The following MAP6 variants were observed in gnomAD, a reference collection of about 807,000 sequenced individuals.
MAP6 encodes microtubule-associated protein 6.
Under a neutral mutation model 42.4 loss-of-function variants are expected in MAP6, and 26 were observed. The ratio of observed to expected loss-of-function variants is 0.61; its 90% CI spans 0.45 to 0.85. The LOEUF is 0.85. Among genes scored for constraint, MAP6 ranks in the 40% least tolerant of loss-of-function variants. The pLI, the probability that MAP6 is intolerant of heterozygous loss-of-function variation, is 0.00. For missense variants in MAP6, 966 were observed against 1,099.0 expected, an observed-to-expected ratio of 0.88 and a Z score of 1.71; for synonymous variants, 418 against 443.8, an observed-to-expected ratio of 0.94 and a Z score of 0.73.
In MAP6 at chr11:75,645,132, G is replaced by A. The variant is rs146345100; in HGVS notation, c.905+22333C>T. Among the ~76,000 whole-genome samples the A allele has an allele frequency of 5.9e-5, 9 of 152,162 alleles. 1 individual carries two copies. The highest frequency in any genetic ancestry group is 6.5e-5 in the Admixed American group (1 of 15,280). Reference sequence around the variant, plus strand: ...GCACCTCTGAGTCAGAGCAGTAAACGTGAGAAGTGACTGCACTGCTGCCGA... The same window carrying A: ...GCACCTCTGAGTCAGAGCAGTAAACATGAGAAGTGACTGCACTGCTGCCGA... On this transcript the variant is annotated intron_variant, in intron 1 of 3. Transcript: ENST00000304771.
intron 1 of MAP6, among the ~76,000 whole-genome samples, chr11:75,639,905 G>T (rs536505351): frequency 6.6e-6 from 1 of 152,234 alleles, no homozygotes; most frequent in East Asian, 1.9e-4. Context: ...CGCTAGCTTG[G>T]CTGTGCCCAT....
chr11:75,639,105 T>G (rs1943418202), intron 1 of MAP6, among the ~76,000 whole-genome samples: 1 of 152,118 alleles, frequency 6.6e-6, no homozygotes, highest in African/African-American at 2.4e-5. Context: ...TGTGTACACA[T>G]GGACACAGAG....
intron 1 of MAP6, among the ~76,000 whole-genome samples, chr11:75,609,235 C>T (rs1942841094): frequency 6.6e-6 from 1 of 152,168 alleles, no homozygotes; most frequent in African/African-American, 2.4e-5. Context: ...TTGACACAGG[C>T]CACGAGGGTC....
chr11:75,648,070 CAAAT>C, intron 1 of MAP6, among the ~76,000 whole-genome samples: 1 of 152,262 alleles, frequency 6.6e-6, no homozygotes, highest in East Asian at 1.9e-4. Context: ...ACCTGTCAGA[CAAAT>C]AACGGATTTG....
rs1052719285 is a variant in MAP6, at chr11:75,667,776, C to A, written c.594G>T (p.Pro198=). The A allele has an allele frequency of 5.4e-6, 7 of 1,306,562 alleles. No individual in the cohort carries two copies. Among genetic ancestry groups the A allele is most frequent in the Non-Finnish European group, 6.8e-6 (7 of 1,027,104 alleles). The allele number at this position is 1,306,562 out of a possible 1,614,324, so 80.9% of individuals were successfully genotyped here. The change falls in exon 1 of 4, where the codon CCG becomes CCT. Residue 198 remains proline (P), a synonymous_variant. Transcript: ENST00000304771. The surrounding 1 kb of genome is among the most constrained non-coding windows in gnomAD (Gnocchi z 5.6). ...GCACTGGCCAGCGCTCCTGGCTCTG[C>A]GGCCGGCGCTTGGGCGCCCCGAGAA... The part of the protein sequence containing the change: ...APILGAPKRR[P]QSQERWPVQA...
intron 1 of MAP6, among the ~76,000 whole-genome samples, chr11:75,646,158 T>C (rs566246179): frequency 2.6e-5 from 4 of 152,062 alleles, no homozygotes; most frequent in African/African-American, 9.6e-5. Flanking sequence ...AAAGATTCCA[T>C]AGGAAGGAAG....
At chr11:75,636,822 C>T (rs1231463107) in intron 1 of MAP6, among the ~76,000 whole-genome samples, 1 of 152,166 alleles carries the variant, frequency 6.6e-6, no homozygotes, top group Non-Finnish European at 1.5e-5. Context: ...CACAAAGAAG[C>T]CTTTCATCCA....
rs1030507313 is a variant in MAP6, at chr11:75,668,686, G to A, written c.-317C>T. 1.8e-5 allele frequency: 4 copies of A among 228,474 alleles called. No homozygotes were observed. The highest frequency in any genetic ancestry group is 3.4e-5 in the Non-Finnish European group (4 of 118,006). 14.2% of individuals were successfully genotyped at this position (228,474 alleles called of 1,614,324 possible). On this transcript the variant is annotated 5_prime_UTR_variant, in exon 1 of 4. Coordinates refer to ENST00000304771, the MANE Select transcript of MAP6 (RefSeq NM_033063.2). ...CTGGGACGCGCCCCTCCCTGCGGCTGCGGCGGCGCACAGACCTCGGTCGAG... is the reference window on the plus strand; with the variant it reads ...CTGGGACGCGCCCCTCCCTGCGGCTACGGCGGCGCACAGACCTCGGTCGAG...
chr11:75,590,040 G>C (rs1265993056), intron 3 of MAP6, among the ~76,000 whole-genome samples: 1 of 152,146 alleles, frequency 6.6e-6, no homozygotes, highest in Non-Finnish European at 1.5e-5. Flanking sequence ...GCATGATATG[G>C]AACACAGCTG....
intron 3 of MAP6, among the ~76,000 whole-genome samples, chr11:75,589,791 T>G (rs1590747611): frequency 6.6e-6 from 1 of 152,346 alleles, no homozygotes; most frequent in East Asian, 1.9e-4. Context: ...ATGGTATTAT[T>G]GGGTAGTATT....
chr11:75,613,993 G>A (rs1464972464), intron 1 of MAP6, among the ~76,000 whole-genome samples: 1 of 152,184 alleles, frequency 6.6e-6, no homozygotes, highest in Non-Finnish European at 1.5e-5. Context: ...TGCTGATCAG[G>A]CAAAGTTTTC....
At chr11:75,660,121 A>G (rs1943817824) in intron 1 of MAP6, among the ~76,000 whole-genome samples, 1 of 151,144 alleles carries the variant, frequency 6.6e-6, no homozygotes, top group South Asian at 2.1e-4. Flanking sequence ...TCCTCACATC[A>G]CTCCTCCTTC....
intron 1 of MAP6, among the ~76,000 whole-genome samples, chr11:75,615,108 T>C (rs1942974660): frequency 6.6e-6 from 1 of 152,304 alleles, no homozygotes; most frequent in East Asian, 1.9e-4. Context: ...ACACAGCACA[T>C]GCAAGCCTTT....
Position 75,605,980 on chromosome 11 carries a change from A to T in MAP6, c.1144T>A (p.Ser382Thr), listed in dbSNP as rs759609647. The change falls in exon 3 of 4, where the codon TCC becomes ACC. Residue 382 changes from serine (S) to threonine (T), a missense_variant. Ser to Thr is a moderately conservative substitution (Grantham distance 58). This residue lies in a region of MAP6 where 943 missense variants were observed against 1,049.9 expected (regional missense o/e 0.90). Coordinates refer to ENST00000304771, the MANE Select transcript of MAP6 (RefSeq NM_033063.2). ...PKVEKPSVQS[S>T]KPKKTSASHK... ...CTCGCTGAGGTCTTTTTTGGTTTGG[A>T]ACTCTGAACACTAGGTTTTTCCACC... The T allele has an allele frequency of 1.2e-6, 2 of 1,613,370 alleles. No individual in the cohort carries two copies. Among genetic ancestry groups the T allele is most frequent in the Non-Finnish European group, 1.7e-6 (2 of 1,179,956 alleles).
At chr11:75,660,357 C>T (rs1943822576) in intron 1 of MAP6, among the ~76,000 whole-genome samples, 1 of 152,188 alleles carries the variant, frequency 6.6e-6, no homozygotes. Flanking sequence ...TCAACCGACC[C>T]TCAAACACCT....
chr11:75,603,816 T>A, intron 3 of MAP6: 5 of 985,432 alleles, frequency 5.1e-6, no homozygotes, highest in Non-Finnish European at 6.0e-6. Flanking sequence ...CATTGTAAAC[T>A]CTGATTTATT....
intron 1 of MAP6, among the ~76,000 whole-genome samples, chr11:75,634,845 T>C (rs189798984): frequency 1.4e-4 from 21 of 152,344 alleles, no homozygotes; most frequent in Admixed American, 1.4e-3. Context: ...ACTGTGTTTG[T>C]CATCTATAAT....
chr11:75,665,586 G>T (rs1179530946), intron 1 of MAP6, among the ~76,000 whole-genome samples: 3 of 152,206 alleles, frequency 2.0e-5, no homozygotes, highest in African/African-American at 7.2e-5. Context: ...TGGGCCAGAC[G>T]TGGGCTTCTC....
At chr11:75,624,794 T>C (rs1357915755) in intron 1 of MAP6, among the ~76,000 whole-genome samples, 2 of 152,218 alleles carry the variant, frequency 1.3e-5, no homozygotes, top group African/African-American at 4.8e-5. Context: ...CCTACCTGGC[T>C]CCAGGCTCAT....
Sources: allele counts gnomAD v4.1 joint callset (sites outside exome capture counted in the v4.1 genomes callset), GRCh38; gene constraint gnomAD v4.1.1; regional missense constraint gnomAD v4.1.1; non-coding constraint Gnocchi (gnomAD v3.1); transcripts MANE v1.5; gene names NCBI Gene and HGNC (gene_info 2026-07-23, HGNC 2026-07-21).